MARF1: variants seen among roughly 807,000 people sequenced by gnomAD.
MARF1 encodes the protein meiosis regulator and mRNA stability factor 1.
A neutral mutation model predicts 168.2 loss-of-function variants in MARF1; 24 were observed. The ratio of observed to expected loss-of-function variants is 0.14; its 90% CI spans 0.10 to 0.20. The LOEUF is 0.20. Among genes scored for constraint, MARF1 ranks in the 10% least tolerant of loss-of-function variants. MARF1 has a pLI of 1.00. For synonymous variants in MARF1, 868 were observed against 822.4 expected, an observed-to-expected ratio of 1.06 and a Z score of -0.95; for missense variants, 1,744 against 2,143.6, an observed-to-expected ratio of 0.81 and a Z score of 3.68.
chr16:15,614,364 T>C (rs1257702255), intron 16 of MARF1, among the ~76,000 whole-genome samples: 2 of 145,530 alleles, frequency 1.4e-5, no homozygotes, highest in Non-Finnish European at 3.0e-5. Context: ...GCGTCTGTAG[T>C]CCCAGCTACT....
intron 7 of MARF1, among the ~76,000 whole-genome samples, chr16:15,629,702 CA>C (rs2035120711): frequency 6.6e-6 from 1 of 152,176 alleles, no homozygotes; most frequent in Non-Finnish European, 1.5e-5. Flanking sequence ...CACAGCCCAG[CA>C]CTGCAATAAA....
At position 15,613,704 on chromosome 16, in the gene MARF1, A is replaced by AAAATG. The variant is rs1442259097; in HGVS notation, c.3254-928_3254-927insCATTT. Among the ~76,000 whole-genome samples the AAAATG allele has an allele frequency of 1.8e-4, 24 of 136,462 alleles. No homozygotes were observed. The East Asian group carries it at 5.3e-3, about 30-fold the overall frequency. 89.5% of individuals were successfully genotyped at this position (136,462 alleles called of 152,430 possible). The stretch of plus-strand genomic sequence containing the variant: ...ATAAATAAATAAAATAAAATAAAAT[A>AAAATG]AAATAAAAAGTGGAGGCTTGTGGGC... On this transcript the variant is annotated intron_variant, in intron 16 of 26. Coordinates refer to ENST00000396368, the MANE Select transcript of MARF1 (RefSeq NM_014647.4).
chr16:15,608,198 C>T (rs749504659), intron 21 of MARF1, 93 bp downstream of exon 21: 19 of 779,360 alleles, frequency 2.4e-5, no homozygotes, highest in South Asian at 1.1e-4. Context: ...AATAAAGAAA[C>T]GCTACAGCAC....
At chr16:15,635,172 G>T in intron 3 of MARF1, 1 of 474,676 alleles carries the variant, frequency 2.1e-6, no homozygotes, top group Non-Finnish European at 3.7e-6. Context: ...TTTACATTCT[G>T]GGGCATGAGT....
intron 21 of MARF1, 146 bp from the exon 22 acceptor site, chr16:15,604,544 G>C (rs1178966047): frequency 3.2e-6 from 2 of 624,656 alleles, no homozygotes; most frequent in Admixed American, 5.8e-5. Flanking sequence ...AAAGCAAGTG[G>C]GTTTGTTTTT....
rs1419088791 is a variant in MARF1 at position 15,634,874 on chromosome 16, T to G, written c.889A>C (p.Asn297His). Residue 297 changes from asparagine to histidine, a missense_variant, in exon 4 of 27, where the codon AAT becomes CAT. Coordinates refer to ENST00000396368, the MANE Select transcript of MARF1 (RefSeq NM_014647.4). Reference protein sequence around the residue: ...AKVWPNIPPPNTQPAPLAVPL... With the variant: ...AKVWPNIPPPHTQPAPLAVPL... Reference sequence around the variant, plus strand: ...ACAGCAAGAGGTGCAGGTTGAGTATTTGGAGGTGGTATATTTGGCCAGACT... The same window carrying G: ...ACAGCAAGAGGTGCAGGTTGAGTATGTGGAGGTGGTATATTTGGCCAGACT... 3.1e-6 allele frequency: 5 copies of G among 1,614,086 alleles called. No individual in the cohort carries two copies. The highest frequency in any genetic ancestry group is 4.2e-6 in the Non-Finnish European group (5 of 1,179,986).
chr16:15,633,486 C>G, intron 5 of MARF1, 131 bp downstream of exon 5: 3 of 658,502 alleles, frequency 4.6e-6, no homozygotes, highest in Middle Eastern at 8.4e-4. Flanking sequence ...TTCGAGGCTG[C>G]AGGGAGCCAT....
At chr16:15,608,773 AAAAC>A (rs2033253471) in intron 20 of MARF1, 1 of 475,912 alleles carries the variant, frequency 2.1e-6, no homozygotes, top group Non-Finnish European at 3.7e-6. Context: ...GTGCCACAAT[AAAAC>A]AATTTTTAAA....
In MARF1 at chr16:15,625,432, T is replaced by C. The variant is rs1343209923; in HGVS notation, c.1893A>G (p.Gly631=). 1 of 1,613,546 alleles carries C rather than the reference T, an allele frequency of 6.2e-7. No individual in the cohort carries two copies. The highest frequency in any genetic ancestry group is 8.5e-7 in the Non-Finnish European group (1 of 1,179,812). ...ATCCAGAATTTGCCTGTGACCCTTTTCCAGGCGTGGCTTTGGCACTGGAAG... is the reference window on the plus strand; with the variant it reads ...ATCCAGAATTTGCCTGTGACCCTTTCCCAGGCGTGGCTTTGGCACTGGAAG... ...EQSSSAKATP[G]KGSQANSGSA... The change falls in exon 8 of 27, where the codon GGA becomes GGG. Residue 631 remains glycine, a synonymous_variant. Coordinates refer to ENST00000396368, the MANE Select transcript of MARF1 (RefSeq NM_014647.4).
intron 2 of MARF1, among the ~76,000 whole-genome samples, chr16:15,636,653 TC>T (rs1158415459): frequency 6.6e-6 from 1 of 152,128 alleles, no homozygotes; most frequent in East Asian, 1.9e-4. Context: ...TTTGGTAATT[TC>T]CCCTTGCCTC....
intron 10 of MARF1, among the ~76,000 whole-genome samples, chr16:15,623,507 C>T (rs2151201359): frequency 6.6e-6 from 1 of 152,178 alleles, no homozygotes; most frequent in East Asian, 1.9e-4. Context: ...TCTTAAACTC[C>T]TGACCTCAAG....
At chr16:15,600,355 C>A (rs1048401407) in intron 25 of MARF1, 73 bp downstream of exon 25, 1 of 1,593,982 alleles carries the variant, frequency 6.3e-7, no homozygotes, top group African/African-American at 1.3e-5. Flanking sequence ...TCCTTTCCCT[C>A]GCTCTCCCCG....
At chr16:15,624,649 G>C (rs1011384905) in intron 10 of MARF1, 120 bp downstream of exon 10, 6 of 910,462 alleles carry the variant, frequency 6.6e-6, no homozygotes, top group Admixed American at 2.3e-5. Flanking sequence ...TGGCAGAAGA[G>C]TGATGGGAGA....
intron 5 of MARF1, among the ~76,000 whole-genome samples, chr16:15,632,735 A>G (rs1365660597): frequency 1.3e-5 from 2 of 152,240 alleles, no homozygotes; most frequent in African/African-American, 2.4e-5. Flanking sequence ...ACATGGGTAT[A>G]TCATTTTAGA....
chr16:15,613,479 C>T lies in MARF1; in HGVS notation c.3254-702G>A, dbSNP rs536207994. Among the ~76,000 whole-genome samples the T allele has an allele frequency of 4.6e-5, 7 of 151,740 alleles. No homozygotes were observed. In the South Asian group the frequency reaches 6.2e-4, roughly 14 times the overall value. ...CCTGGCTAACAAGGTGAAACCCCGT[C>T]TCTACTAAAAATACAAAAATAAATA... On this transcript the variant is annotated intron_variant, in intron 16 of 26. Transcript: ENST00000396368.
chr16:15,630,701 A>G (rs1454670993), intron 6 of MARF1, among the ~76,000 whole-genome samples, 197 bp from the exon 7 acceptor site: 1 of 152,156 alleles, frequency 6.6e-6, no homozygotes, highest in African/African-American at 2.4e-5. Context: ...ATTCCAAGAC[A>G]CATATGTTAC....
In MARF1 at chr16:15,623,138, CAT is replaced by C. The variant is rs1340338993; in HGVS notation, c.2271-17_2271-16del. ...GAGACATACTCCTGCTTAAAACACA[CAT>C]ATTGACATTATTTTAAAAAACTGTT... On this transcript the variant is annotated splice_polypyrimidine_tract_variant and intron_variant, in intron 10 of 26. Transcript: ENST00000396368. 6.5e-7 allele frequency: 1 copy of C among 1,541,720 alleles called. No individual in the cohort carries two copies.
At chr16:15,609,875 C>CCTG in intron 19 of MARF1, 150 bp from the exon 20 acceptor site, 1 of 657,618 alleles carries the variant, frequency 1.5e-6, no homozygotes, top group Non-Finnish European at 2.6e-6. Context: ...CACATATACT[C>CCTG]TTCCCTCTTT....
intron 20 of MARF1, 115 bp from the exon 21 acceptor site, chr16:15,608,633 G>A: frequency 2.9e-6 from 2 of 696,938 alleles, no homozygotes; most frequent in Non-Finnish European, 4.8e-6. Context: ...TACTGAATGG[G>A]TATAAAGTTT....
Sources: gnomAD v4.1 joint callset for allele counts (sites outside exome capture counted in the v4.1 genomes callset) on GRCh38, gnomAD v4.1.1 for gene constraint, MANE v1.5 for transcripts, NCBI Gene and HGNC (gene_info 2026-07-23, HGNC 2026-07-21) for gene names.